The following PDE10A variants were observed in gnomAD, a reference collection of about 807,000 sequenced individuals.
The protein encoded by PDE10A is phosphodiesterase 10A, also known as cAMP and cAMP-inhibited cGMP 3',5'-cyclic phosphodiesterase 10A.
A neutral mutation model predicts 97.7 loss-of-function variants in PDE10A; 39 were observed. The observed-to-expected ratio is 0.40, with a 90% CI of 0.31 to 0.52. The LOEUF (loss-of-function observed/expected upper bound fraction) is 0.52. Ranked by LOEUF, PDE10A falls within the 20% of genes least tolerant of loss-of-function variation. PDE10A has a pLI of 0.56. For synonymous variants in PDE10A, 371 were observed against 376.8 expected (o/e 0.98, Z 0.18); for missense variants, 731 against 1,047.8 (o/e 0.70, Z 4.17).
chr6:165,490,055 G>T (rs1232510866), intron 2 of PDE10A, among the ~76,000 whole-genome samples: 1 of 152,186 alleles, frequency 6.6e-6, no homozygotes, highest in Non-Finnish European at 1.5e-5. Context: ...ACCTAGCCTT[G>T]CTAGAGATCT....
chr6:165,840,401 T>C (rs2128473058), intron 1 of PDE10A, among the ~76,000 whole-genome samples: 1 of 152,366 alleles, frequency 6.6e-6, no homozygotes, highest in East Asian at 1.9e-4. Flanking sequence ...TTTTGCTCCA[T>C]TCTAGAGCTG....
At chr6:165,430,410 G>C in intron 8 of PDE10A, 65 bp from the exon 9 acceptor site, 1 of 977,392 alleles carries the variant, frequency 1.0e-6, no homozygotes, top group East Asian at 2.4e-5. Flanking sequence ...AAAACTTCCA[G>C]AATACTAATT....
At chr6:165,458,032 T>C (rs1053603240) in intron 3 of PDE10A, among the ~76,000 whole-genome samples, 1 of 152,168 alleles carries the variant, frequency 6.6e-6, no homozygotes, top group African/African-American at 2.4e-5. Context: ...AAATGTTAAA[T>C]TGGATAAATA....
chr6:165,776,367 C>G (rs991257324), intron 1 of PDE10A, among the ~76,000 whole-genome samples: 1 of 152,174 alleles, frequency 6.6e-6, no homozygotes, highest in Non-Finnish European at 1.5e-5. Context: ...CAAGTAGATT[C>G]AACAAGTTCA....
intron 18 of PDE10A, among the ~76,000 whole-genome samples, chr6:165,371,963 C>T (rs1025378953): frequency 1.8e-4 from 27 of 151,234 alleles, no homozygotes; most frequent in Middle Eastern, 3.4e-3. Flanking sequence ...ATAAACAGAA[C>T]CAAAGACAAA....
At chr6:165,831,637 A>C (rs957909007) in intron 1 of PDE10A, among the ~76,000 whole-genome samples, 1 of 151,378 alleles carries the variant, frequency 6.6e-6, no homozygotes, top group Non-Finnish European at 1.5e-5. Flanking sequence ...GGCGCCCGCC[A>C]CCACGCCCGG....
chr6:165,741,559 G>A (rs1334158425), intron 1 of PDE10A, among the ~76,000 whole-genome samples: 1 of 152,112 alleles, frequency 6.6e-6, no homozygotes, highest in East Asian at 1.9e-4. Flanking sequence ...AGTTGAATAT[G>A]AGCATACCCG....
intron 1 of PDE10A, among the ~76,000 whole-genome samples, chr6:165,676,739 A>G (rs1451442543): frequency 8.5e-6 from 1 of 117,696 alleles, no homozygotes; most frequent in African/African-American, 2.8e-5. Flanking sequence ...ACACGATCTG[A>G]CTTTTTTTTT....
intron 1 of PDE10A, among the ~76,000 whole-genome samples, chr6:165,725,215 T>C (rs556993964): frequency 6.6e-6 from 1 of 152,288 alleles, no homozygotes; most frequent in Admixed American, 6.5e-5. Flanking sequence ...TGTGATCCGA[T>C]TTTTCTGGTA....
At chr6:165,714,039 T>A (rs1791967563) in intron 1 of PDE10A, among the ~76,000 whole-genome samples, 1 of 152,218 alleles carries the variant, frequency 6.6e-6, no homozygotes. Context: ...TGAGCTCTAA[T>A]ACATGAATGT....
At chr6:165,719,699 T>C (rs1156540776) in intron 1 of PDE10A, among the ~76,000 whole-genome samples, 1 of 152,196 alleles carries the variant, frequency 6.6e-6, no homozygotes, top group African/African-American at 2.4e-5. Flanking sequence ...GCTGATGGCA[T>C]GCTTTAAAAC....
chr6:165,978,232 T>C (rs1460933078), intron 1 of PDE10A, among the ~76,000 whole-genome samples: 1 of 152,170 alleles, frequency 6.6e-6, no homozygotes, highest in African/African-American at 2.4e-5. Flanking sequence ...TCTAAAATCA[T>C]CACACCTCAA....
At chr6:165,493,199 T>C (rs907790439) in intron 2 of PDE10A, among the ~76,000 whole-genome samples, 5 of 151,996 alleles carry the variant, frequency 3.3e-5, no homozygotes, top group African/African-American at 9.7e-5. Context: ...TATAAACAAA[T>C]GGAAACACAT....
chr6:165,840,289 G>A (rs1027773908), intron 1 of PDE10A, among the ~76,000 whole-genome samples: 1 of 152,012 alleles, frequency 6.6e-6, no homozygotes, highest in African/African-American at 2.4e-5. Flanking sequence ...ATCAGTCCAG[G>A]CAAACTGGAG....
chr6:165,900,030 C>CG (rs985087638), intron 1 of PDE10A, among the ~76,000 whole-genome samples: 4 of 152,164 alleles, frequency 2.6e-5, no homozygotes, highest in African/African-American at 9.7e-5. Context: ...CATGAGGCCA[C>CG]GGGAGGCAAG....
At chr6:165,716,378 AG>A (rs1159669822) in intron 1 of PDE10A, among the ~76,000 whole-genome samples, 1 of 152,238 alleles carries the variant, frequency 6.6e-6, no homozygotes, top group Admixed American at 6.5e-5. Flanking sequence ...GGGCCTCCCA[AG>A]GAAGTGGGAT....
intron 1 of PDE10A, among the ~76,000 whole-genome samples, chr6:165,839,188 G>C (rs1780146827): frequency 3.9e-5 from 6 of 152,146 alleles, no homozygotes. Flanking sequence ...TCCTCACAAG[G>C]GTGTTGATAG....
At chr6:165,712,749 G>C (rs1008673228) in intron 1 of PDE10A, among the ~76,000 whole-genome samples, 7 of 144,682 alleles carry the variant, frequency 4.8e-5, no homozygotes, top group African/African-American at 1.3e-4. Context: ...ACGCCATTCT[G>C]CTGCCTCAGC....
At chr6:165,956,810 G>A (rs1436991433) in intron 1 of PDE10A, among the ~76,000 whole-genome samples, 3 of 152,202 alleles carry the variant, frequency 2.0e-5, no homozygotes, top group Admixed American at 6.5e-5. Flanking sequence ...TAGAGTTGAA[G>A]GGCAAGTGGG....
Sources: gnomAD v4.1 joint callset for allele counts (sites outside exome capture counted in the v4.1 genomes callset) on GRCh38, gnomAD v4.1.1 for gene constraint, MANE v1.5 for transcripts, NCBI Gene and HGNC (gene_info 2026-07-23, HGNC 2026-07-21) for gene names.